RGS8: variants seen among roughly 807,000 people sequenced by gnomAD.
RGS8 encodes the protein regulator of G protein signaling 8, also known as regulator of G-protein signaling 8.
In RGS8, 8 loss-of-function variants were observed where a neutral mutation model predicts 21.7. The observed-to-expected ratio is 0.37, with a 90% CI of 0.22 to 0.66. RGS8 has a LOEUF of 0.66. Among genes scored for constraint, RGS8 ranks in the 30% least tolerant of loss-of-function variants. The pLI, the probability that RGS8 is intolerant of heterozygous loss-of-function variation, is 0.59. For synonymous variants in RGS8, 80 were observed against 83.6 expected, an observed-to-expected ratio of 0.96 and a Z score of 0.24; for missense variants, 157 against 217.9, an observed-to-expected ratio of 0.72 and a Z score of 1.76.
the RGS8 span, among the ~76,000 whole-genome samples, chr1:182,705,662 C>T: frequency 7.4e-6 from 1 of 135,836 alleles, no homozygotes. Flanking sequence ...TCTGCATCAT[C>T]TACAAGCAAA....
At chr1:182,724,702 C>T in the RGS8 span, among the ~76,000 whole-genome samples, 2 of 152,012 alleles carry the variant, frequency 1.3e-5, no homozygotes, top group East Asian at 1.9e-4. Flanking sequence ...GGATTACAGG[C>T]GCCTGCCACC....
upstream of RGS8, among the ~76,000 whole-genome samples, chr1:182,676,504 G>A (rs1043480705): frequency 1.3e-5 from 2 of 152,176 alleles, no homozygotes; most frequent in Non-Finnish European, 2.9e-5. Flanking sequence ...GAAACCGGAA[G>A]GACACATGGA....
At chr1:182,655,204 C>T (rs1034612415) in intron 5 of RGS8, among the ~76,000 whole-genome samples, 4 of 152,188 alleles carry the variant, frequency 2.6e-5, no homozygotes, top group Non-Finnish European at 5.9e-5. Context: ...CATTCTCACG[C>T]ATGTAGAAGG....
intron 5 of RGS8, among the ~76,000 whole-genome samples, chr1:182,662,806 T>A (rs942314928): frequency 2.6e-5 from 4 of 152,226 alleles, no homozygotes; most frequent in African/African-American, 4.8e-5. Context: ...GACTGTGCCT[T>A]GTTCATCTTT....
intron 1 of RGS8, among the ~76,000 whole-genome samples, chr1:182,678,211 G>A (rs907886812): frequency 3.3e-5 from 5 of 152,166 alleles, no homozygotes; most frequent in Non-Finnish European, 5.9e-5. Context: ...ATCATCTTGG[G>A]TGGGAAGCTG....
At chr1:182,740,548 G>GTTTTT in the RGS8 span, among the ~76,000 whole-genome samples, 143 of 75,972 alleles carry the variant, frequency 1.9e-3, no homozygotes, top group Non-Finnish European at 3.4e-3. Flanking sequence ...TTGTTTGTTT[G>GTTTTT]TTTTTTTTTT....
chr1:182,669,690 G>A, exon 3 of RGS8: 1 of 1,614,096 alleles, frequency 6.2e-7, no homozygotes, highest in Non-Finnish European at 8.5e-7. Flanking sequence ...CTGGTATGCA[G>A]GGACGTCAGG....
intron 4 of RGS8, 126 bp from the exon 6 acceptor site, chr1:182,666,159 G>C (rs1663848657): frequency 1.5e-6 from 1 of 651,342 alleles, no homozygotes; most frequent in Non-Finnish European, 2.7e-6. Context: ...AGCAAATGAA[G>C]ACTATACCTG....
the RGS8 span, among the ~76,000 whole-genome samples, chr1:182,736,592 A>G: frequency 6.6e-6 from 1 of 152,212 alleles, no homozygotes; most frequent in Non-Finnish European, 1.5e-5. Context: ...ACAAGCCAGT[A>G]TGAGATATGG....
chr1:182,660,340 C>G (rs892985016), intron 5 of RGS8, among the ~76,000 whole-genome samples: 1 of 152,102 alleles, frequency 6.6e-6, no homozygotes, highest in Non-Finnish European at 1.5e-5. Flanking sequence ...TCATTCATAC[C>G]TTTCTCAACA....
chr1:182,690,307 T>C, the RGS8 span, among the ~76,000 whole-genome samples: 1 of 152,364 alleles, frequency 6.6e-6, no homozygotes, highest in South Asian at 2.1e-4. Flanking sequence ...ACTTTTCGAT[T>C]ACCCATTTTC....
At chr1:182,741,210 G>C in the RGS8 span, among the ~76,000 whole-genome samples, 1 of 140,076 alleles carries the variant, frequency 7.1e-6, no homozygotes, top group African/African-American at 2.7e-5. Flanking sequence ...CCTCCTGGAC[G>C]GGGCGGCTGG....
chr1:182,704,388 G>T, the RGS8 span, among the ~76,000 whole-genome samples: 1 of 152,150 alleles, frequency 6.6e-6, no homozygotes, highest in Non-Finnish European at 1.5e-5. Flanking sequence ...TCTTAGGCAG[G>T]CCCCGTCATA....
chr1:182,730,841 T>G, the RGS8 span, among the ~76,000 whole-genome samples: 1 of 152,314 alleles, frequency 6.6e-6, no homozygotes, highest in East Asian at 1.9e-4. Context: ...CTGACCAGTC[T>G]CATTCCCGGA....
At chr1:182,693,136 A>G in the RGS8 span, among the ~76,000 whole-genome samples, 3 of 152,378 alleles carry the variant, frequency 2.0e-5, no homozygotes, top group East Asian at 5.8e-4. Flanking sequence ...GTGAGGCCTA[A>G]TTAAAGAGCT....
chr1:182,719,044 C>G, the RGS8 span, among the ~76,000 whole-genome samples: 1 of 152,204 alleles, frequency 6.6e-6, no homozygotes, highest in African/African-American at 2.4e-5. Context: ...CCAACTACCT[C>G]CACAATGACT....
At chr1:182,688,607 G>A (rs139033676), upstream of RGS8, among the ~76,000 whole-genome samples, 2 of 152,292 alleles carry the variant, frequency 1.3e-5, no homozygotes, top group Admixed American at 1.3e-4. Flanking sequence ...GGTTATCTAG[G>A]CAGACTCAAT....
At chr1:182,648,078 GGA>G in intron 6 of RGS8, 57 bp downstream of exon 7, 3 of 1,478,920 alleles carry the variant, frequency 2.0e-6, no homozygotes, top group Non-Finnish European at 2.7e-6. Context: ...TCCTCTCTGA[GGA>G]GAGAAATGCA....
the RGS8 span, among the ~76,000 whole-genome samples, chr1:182,701,251 T>C: frequency 2.9e-3 from 441 of 152,324 alleles, 2 homozygotes; most frequent in African/African-American, 0.01. Context: ...GGAAACCTCA[T>C]TGGGCAGCAG....
Sources: gnomAD v4.1 joint callset for allele counts (sites outside exome capture counted in the v4.1 genomes callset) on GRCh38, gnomAD v4.1.1 for gene constraint, MANE v1.5 for transcripts, NCBI Gene and HGNC (gene_info 2026-07-23, HGNC 2026-07-21) for gene names.